Variants in LINGO2 observed in about 807,000 individuals in gnomAD.
LINGO2 encodes leucine rich repeat and Ig domain containing 2.
Under a neutral mutation model 30.6 loss-of-function variants are expected in LINGO2, and 14 were observed. The ratio of observed to expected loss-of-function variants is 0.46; its 90% confidence interval spans 0.30 to 0.72. The LOEUF (loss-of-function observed/expected upper bound fraction) is 0.72, where lower values mean the gene tolerates loss of function less well. LINGO2 is among the 30% of genes least tolerant of loss of function. LINGO2 has a pLI of 0.07. For missense variants in LINGO2, 729 were observed against 751.7 expected, an observed-to-expected ratio of 0.97 and a Z score of 0.35; for synonymous variants, 317 against 288.5, an observed-to-expected ratio of 1.10 and a Z score of -1.00.
chr9:28,808,040 T>A, the LINGO2 span, among the ~76,000 whole-genome samples: 2 of 152,196 alleles, frequency 1.3e-5, no homozygotes, highest in South Asian at 4.1e-4. Flanking sequence ...ATGATTAGAA[T>A]CATCATAATG....
At chr9:28,956,469 G>A in the LINGO2 span, among the ~76,000 whole-genome samples, 12 of 152,100 alleles carry the variant, frequency 7.9e-5, no homozygotes, top group Non-Finnish European at 1.6e-4. Context: ...GTAAAGTGAA[G>A]TGCGGGAATC....
At chr9:29,021,195 AACAGC>A in the LINGO2 span, among the ~76,000 whole-genome samples, 1 of 152,166 alleles carries the variant, frequency 6.6e-6, no homozygotes, top group African/African-American at 2.4e-5. Flanking sequence ...GAAATCCAAC[AACAGC>A]ACAGTTTTTC....
chr9:28,110,055 C>A (rs917733817), intron 4 of LINGO2, among the ~76,000 whole-genome samples: 2 of 152,002 alleles, frequency 1.3e-5, no homozygotes, highest in East Asian at 1.9e-4. Context: ...ATATCTAGGA[C>A]AATGGAACAG....
At chr9:28,416,636 G>T (rs1822978326) in intron 2 of LINGO2, among the ~76,000 whole-genome samples, 1 of 152,040 alleles carries the variant, frequency 6.6e-6, no homozygotes, top group Non-Finnish European at 1.5e-5. Flanking sequence ...CCATGCAAGA[G>T]GCCCTCAAAA....
At position 28,047,800 on chromosome 9, in the gene LINGO2, G is replaced by GT. The variant is rs1335711486; in HGVS notation, c.-86-35396dup. On this transcript the variant is annotated intron_variant, in intron 4 of 5. Coordinates refer to ENST00000379992, the Ensembl canonical transcript of LINGO2. ...TTATACTGAACAAGAAAAGAGCAAAGTATTTTTTTTACAGAAACCTATAAA... is the reference window on the plus strand; with the variant it reads ...TTATACTGAACAAGAAAAGAGCAAAGTTATTTTTTTTACAGAAACCTATAAA... Among the ~76,000 whole-genome samples, 3 of 41,578 alleles carry GT rather than the reference G, an allele frequency of 7.2e-5. 1 individual carries two copies. Among genetic ancestry groups the GT allele is most frequent in the East Asian group, 1.1e-3 (2 of 1,786 alleles). The allele number at this position is 41,578 out of a possible 152,430, so 27.3% of individuals were successfully genotyped here.
At chr9:28,816,850 A>C in the LINGO2 span, among the ~76,000 whole-genome samples, 1 of 152,196 alleles carries the variant, frequency 6.6e-6, no homozygotes, top group Non-Finnish European at 1.5e-5. Flanking sequence ...CAGTAATAGA[A>C]TTAATAAAAG....
intron 1 of LINGO2, among the ~76,000 whole-genome samples, chr9:28,515,207 T>TC (rs1491071236): frequency 4.7e-4 from 2 of 4,244 alleles, no homozygotes; most frequent in Non-Finnish European, 2.4e-3. Context: ...GAAATACATT[T>TC]TTTTTTTTTT....
intron 4 of LINGO2, among the ~76,000 whole-genome samples, chr9:28,119,719 G>T (rs1265872421): frequency 6.6e-6 from 1 of 152,006 alleles, no homozygotes; most frequent in Non-Finnish European, 1.5e-5. Flanking sequence ...CCCTCTTTTG[G>T]CAAATATTAC....
At chr9:29,187,249 T>C in the LINGO2 span, among the ~76,000 whole-genome samples, 5,048 of 152,300 alleles carry the variant, frequency 0.033, 263 homozygotes, top group African/African-American at 0.11. Flanking sequence ...AATGAATATA[T>C]ACACATGGAT....
the LINGO2 span, among the ~76,000 whole-genome samples, chr9:29,016,283 G>A: frequency 2.0e-5 from 3 of 152,128 alleles, no homozygotes; most frequent in African/African-American, 4.8e-5. Flanking sequence ...TACCCCAGAG[G>A]GGAAGGAAGC....
chr9:28,899,270 G>A, the LINGO2 span, among the ~76,000 whole-genome samples: 2 of 152,206 alleles, frequency 1.3e-5, no homozygotes, highest in Non-Finnish European at 2.9e-5. Context: ...TCAGTTTCCA[G>A]ACTGAGCCTT....
intron 5 of LINGO2, among the ~76,000 whole-genome samples, chr9:27,977,268 T>G (rs16912180): frequency 0.017 from 2,541 of 151,712 alleles, 112 homozygotes; most frequent in East Asian, 0.16. Context: ...GGGTTACTCC[T>G]AATGCTAAGT....
At chr9:28,411,700 T>C (rs138286757) in intron 2 of LINGO2, among the ~76,000 whole-genome samples, 107 of 152,288 alleles carry the variant, frequency 7.0e-4, no homozygotes, top group African/African-American at 2.5e-3. Context: ...AAACATTTTA[T>C]CTATTGTAAA....
At chr9:28,752,962 G>T in the LINGO2 span, among the ~76,000 whole-genome samples, 1 of 152,044 alleles carries the variant, frequency 6.6e-6, no homozygotes, top group East Asian at 1.9e-4. Flanking sequence ...CTGGCATACA[G>T]TAGGTACCCA....
At chr9:28,627,058 T>C (rs1036526693) in intron 1 of LINGO2, among the ~76,000 whole-genome samples, 5 of 152,040 alleles carry the variant, frequency 3.3e-5, no homozygotes, top group African/African-American at 4.8e-5. Flanking sequence ...AGTTTGTGTA[T>C]TTTTTTAAGT....
chr9:28,237,241 G>T (rs1821607035), intron 4 of LINGO2, among the ~76,000 whole-genome samples: 1 of 151,626 alleles, frequency 6.6e-6, no homozygotes, highest in Non-Finnish European at 1.5e-5. Flanking sequence ...GATAGTATTT[G>T]CAAGGCTCAC....
chr9:29,029,029 C>G, the LINGO2 span, among the ~76,000 whole-genome samples: 2 of 152,114 alleles, frequency 1.3e-5, no homozygotes. Flanking sequence ...AATGCAAATT[C>G]TAGTTAATTT....
intron 5 of LINGO2, among the ~76,000 whole-genome samples, chr9:28,010,795 G>A (rs540824920): frequency 6.6e-6 from 1 of 152,184 alleles, no homozygotes; most frequent in Admixed American, 6.5e-5. Context: ...ACTCCAAAAA[G>A]AAATTAAAAA....
At chr9:29,071,505 ATATATATATATATG>A in the LINGO2 span, among the ~76,000 whole-genome samples, 4,031 of 120,326 alleles carry the variant, frequency 0.034, 205 homozygotes, top group African/African-American at 0.11. Flanking sequence ...ATATATATAT[ATATATATATATATG>A]TATATGTATA....
Sources: gnomAD v4.1 joint callset for allele counts (sites outside exome capture counted in the v4.1 genomes callset) on GRCh38, gnomAD v4.1.1 for gene constraint, MANE v1.5 for transcripts, NCBI Gene and HGNC (gene_info 2026-07-23, HGNC 2026-07-21) for gene names.